The following SPATA13 variants were observed in gnomAD, a reference collection of about 807,000 sequenced individuals.
SPATA13 encodes the protein spermatogenesis-associated protein 13.
A neutral mutation model predicts 104.0 loss-of-function variants in SPATA13; 50 were observed. The observed-to-expected ratio is 0.48, with a 90% CI of 0.38 to 0.61. The LOEUF is 0.61. Among genes scored for constraint, SPATA13 ranks in the 20% least tolerant of loss-of-function variants. The pLI is 0.00. For synonymous variants in SPATA13, 606 were observed against 667.5 expected (o/e 0.91, Z 1.42); for missense variants, 1,524 against 1,690.6 (o/e 0.90, Z 1.73).
At chr13:23,995,646 T>G (rs1189022227) in intron 2 of SPATA13, among the ~76,000 whole-genome samples, 1 of 152,208 alleles carries the variant, frequency 6.6e-6, no homozygotes. Context: ...TCAAATCTAA[T>G]TTTGTAATCT....
At chr13:24,091,326 C>T (rs1211473440) in intron 3 of SPATA13, among the ~76,000 whole-genome samples, 1 of 152,242 alleles carries the variant, frequency 6.6e-6, no homozygotes, top group Non-Finnish European at 1.5e-5. Flanking sequence ...CCCTTATGGA[C>T]ATCTCATTCC....
At chr13:24,114,929 C>T (rs9553183) in intron 3 of SPATA13, among the ~76,000 whole-genome samples, 22,418 of 152,032 alleles carry the variant, frequency 0.15, 2,406 homozygotes, top group East Asian at 0.31. Context: ...CCCAAAGTGC[C>T]GGGATTACAG....
At chr13:24,189,340 G>A (rs574687353) in intron 1 of SPATA13, among the ~76,000 whole-genome samples, 9 of 151,410 alleles carry the variant, frequency 5.9e-5, no homozygotes, top group South Asian at 2.1e-4. Context: ...GCATGGTGGC[G>A]GGTGCCTATA....
chr13:24,143,954 A>T (rs1881847288), intron 3 of SPATA13, among the ~76,000 whole-genome samples: 1 of 152,206 alleles, frequency 6.6e-6, no homozygotes, highest in African/African-American at 2.4e-5. Context: ...CTGAAACCAC[A>T]GGGCATATGA....
At chr13:24,292,508 A>G (rs1876463230) in intron 9 of SPATA13, among the ~76,000 whole-genome samples, 1 of 152,226 alleles carries the variant, frequency 6.6e-6, no homozygotes, top group Non-Finnish European at 1.5e-5. Flanking sequence ...CTGCACCTGC[A>G]GCTCTGGAGA....
chr13:24,106,188 T>C (rs1880445985), intron 3 of SPATA13, among the ~76,000 whole-genome samples: 1 of 152,138 alleles, frequency 6.6e-6, no homozygotes, highest in South Asian at 2.1e-4. Flanking sequence ...TGTACACCAC[T>C]ATGCCTGGCT....
upstream of SPATA13, among the ~76,000 whole-genome samples, chr13:24,160,205 T>TG (rs1374939502): frequency 6.6e-6 from 1 of 152,208 alleles, no homozygotes; most frequent in Non-Finnish European, 1.5e-5. Flanking sequence ...CTTCCCGCCC[T>TG]GGGGGGTGGG....
intron 3 of SPATA13, among the ~76,000 whole-genome samples, chr13:24,118,065 A>G (rs1002334103): frequency 3.3e-5 from 5 of 152,216 alleles, no homozygotes; most frequent in Non-Finnish European, 5.9e-5. Flanking sequence ...ACTACAGATT[A>G]TAAATTGGTT....
intron 4 of SPATA13, chr13:24,278,884 C>A: frequency 1.3e-6 from 1 of 773,584 alleles, no homozygotes; most frequent in East Asian, 3.4e-5. Flanking sequence ...TTCCTTCCTT[C>A]CTTCCTTCCT....
intron 1 of SPATA13, among the ~76,000 whole-genome samples, chr13:24,206,210 A>G (rs891460277): frequency 3.9e-5 from 6 of 152,238 alleles, no homozygotes; most frequent in African/African-American, 1.4e-4. Context: ...TCTACAAGGA[A>G]CTTAAACAAA....
chr13:24,030,002 A>G (rs529724136), intron 3 of SPATA13, among the ~76,000 whole-genome samples: 1 of 151,912 alleles, frequency 6.6e-6, no homozygotes, highest in Non-Finnish European at 1.5e-5. Context: ...TTCATAGCAA[A>G]ATTGAGTGGA....
intron 4 of SPATA13, chr13:24,278,558 A>G (rs1875188363): frequency 1.2e-5 from 15 of 1,247,294 alleles, no homozygotes; most frequent in African/African-American, 1.6e-5. Context: ...GATTACAAGC[A>G]TGAGCTACCA....
At position 24,260,929 on chromosome 13, in the gene SPATA13, G is replaced by A. The variant is rs868455170; in HGVS notation, c.2164+9067G>A. 3.3e-5 allele frequency among the ~76,000 whole-genome samples: 5 copies of A among 152,224 alleles called. No homozygotes were observed. The South Asian group carries it at 6.2e-4, about 19-fold the overall frequency. ...GCCTTAAGTTATGTTCATGGCATGC[G>A]TGCATGGGGCACTTTTTTTTGGCTT... is the stretch of plus-strand genomic sequence containing the variant. On this transcript the variant is annotated intron_variant, in intron 4 of 12. Transcript: ENST00000382108.
chr13:24,169,303 T>C (rs376517073), intron 1 of SPATA13, among the ~76,000 whole-genome samples: 154 of 152,352 alleles, frequency 1.0e-3, no homozygotes, highest in African/African-American at 3.6e-3. Flanking sequence ...GTGCTAACCC[T>C]GGAAAGCTCC....
rs1213703824 is a variant in SPATA13 at position 24,223,525 on chromosome 13, G to C, written c.596G>C (p.Arg199Pro). ...GATGCCTTCCAGCGGAGCACACACC[G>C]CTCCCGCAGCCTCCGCAGAGCCTAC... The part of the protein sequence containing the change: ...TDDAFQRSTH[R>P]SRSLRRAYGL... The change falls in exon 2 of 13, where the codon CGC becomes CCC. Residue 199 changes from arginine (R) to proline (P), a missense_variant. Transcript: ENST00000382108. 9.7e-6 allele frequency: 15 copies of C among 1,548,342 alleles called. No individual in the cohort carries two copies. The highest frequency in any genetic ancestry group is 2.0e-5 in the Admixed American group (1 of 51,006).
intron 3 of SPATA13, among the ~76,000 whole-genome samples, chr13:24,117,627 A>G (rs1880888945): frequency 6.6e-6 from 1 of 152,206 alleles, no homozygotes; most frequent in Admixed American, 6.5e-5. Context: ...TTGTCCCAAA[A>G]GGAGCCTTCC....
At chr13:24,136,505 G>A (rs1923901) in intron 3 of SPATA13, among the ~76,000 whole-genome samples, 79,736 of 150,524 alleles carry the variant, frequency 0.53, 21,316 homozygotes, top group Admixed American at 0.6. Flanking sequence ...GAAAGAAAGT[G>A]AGAGAGAGGG....
intron 7 of SPATA13, 109 bp downstream of exon 7, chr13:24,287,059 G>T: frequency 1.1e-6 from 1 of 884,092 alleles, no homozygotes; most frequent in Non-Finnish European, 1.7e-6. Context: ...GCTCCCACAT[G>T]TATGCTCATT....
At chr13:24,259,399 C>T (rs1337275767) in intron 4 of SPATA13, among the ~76,000 whole-genome samples, 3 of 152,204 alleles carry the variant, frequency 2.0e-5, no homozygotes, top group African/African-American at 7.2e-5. Context: ...GTTTTCTGCA[C>T]AGGATTGAGG....
Sources: gnomAD v4.1 joint callset for allele counts (sites outside exome capture counted in the v4.1 genomes callset) on GRCh38, gnomAD v4.1.1 for gene constraint, MANE v1.5 for transcripts, NCBI Gene and HGNC (gene_info 2026-07-23, HGNC 2026-07-21) for gene names.